The following CCNE2 variants were observed in gnomAD, a reference collection of about 807,000 sequenced individuals.
The protein encoded by CCNE2 is G1/S-specific cyclin-E2.
Under a neutral mutation model 56.8 loss-of-function variants are expected in CCNE2, and 18 were observed. The ratio of observed to expected loss-of-function variants is 0.32; its 90% CI spans 0.22 to 0.47. The LOEUF is 0.47. Among genes scored for constraint, CCNE2 ranks in the 20% least tolerant of loss-of-function variants. The pLI is 1.00. For synonymous variants in CCNE2, 139 were observed against 149.2 expected (o/e 0.93, Z 0.50); for missense variants, 371 against 467.1 (o/e 0.79, Z 1.90).
At chr8:94,889,073 G>A (rs111856879) in intron 6 of CCNE2, among the ~76,000 whole-genome samples, 5 of 151,964 alleles carry the variant, frequency 3.3e-5, no homozygotes, top group Admixed American at 2.6e-4. Context: ...GCTTGAACGC[G>A]AGATGCAGAG....
chr8:94,885,049 C>A lies in CCNE2; in HGVS notation c.831+18G>T. ...GTAATTAATAACATTACCATTGAAT[C>A]AATAAAAATGTCAGTACCTGAGCTA... On this transcript the variant is annotated intron_variant, in intron 9 of 11. Coordinates refer to ENST00000308108, the MANE Select transcript of CCNE2 (RefSeq NM_057749.3). 6.2e-7 allele frequency: 1 copy of A among 1,607,712 alleles called. No individual in the cohort carries two copies. Among genetic ancestry groups the A allele is most frequent in the Non-Finnish European group, 8.5e-7 (1 of 1,175,914 alleles).
intron 1 of CCNE2, 144 bp from the exon 2 acceptor site, chr8:94,894,391 G>T: frequency 2.8e-6 from 2 of 705,148 alleles, no homozygotes; most frequent in East Asian, 2.5e-5. Context: ...TCTGTGCTAT[G>T]TTAGCTAGCT....
rs549769595 is a variant in CCNE2 at position 94,889,961 on chromosome 8, G to C, written c.453+454C>G. 3.3e-5 allele frequency among the ~76,000 whole-genome samples: 5 copies of C among 152,284 alleles called. No individual in the cohort carries two copies. In the East Asian group the frequency reaches 9.6e-4, roughly 29 times the overall value. Reference sequence around the variant, plus strand: ...AGGTATCTGGACAATAGAGGGCGTAGAGCTTCCAGATATCCATAGTCTCAT... The same window carrying C: ...AGGTATCTGGACAATAGAGGGCGTACAGCTTCCAGATATCCATAGTCTCAT... On this transcript the variant is annotated intron_variant, in intron 6 of 11. Coordinates refer to ENST00000308108, the MANE Select transcript of CCNE2 (RefSeq NM_057749.3).
intron 10 of CCNE2, 148 bp downstream of exon 10, chr8:94,882,633 T>C (rs1483330464): frequency 1.6e-6 from 1 of 615,736 alleles, no homozygotes; most frequent in Admixed American, 3.0e-5. Flanking sequence ...GATTGGAAAG[T>C]ACTTCTAACA....
At chr8:94,885,595 A>G (rs902867658) in intron 7 of CCNE2, 37 bp from the exon 8 acceptor site, 1 of 1,236,096 alleles carries the variant, frequency 8.1e-7, no homozygotes, top group Middle Eastern at 2.0e-4. Context: ...TACAATTGAG[A>G]TAGAAATTAA....
intron 5 of CCNE2, chr8:94,891,138 G>A (rs1359850498): frequency 2.6e-5 from 4 of 152,280 alleles, no homozygotes; most frequent in Admixed American, 2.6e-4. Flanking sequence ...CAGATTTCAA[G>A]GGAGTGCTTT....
upstream of CCNE2, chr8:94,895,317 T>TGCCCGCGC (rs1252686633): frequency 2.2e-6 from 2 of 920,738 alleles, no homozygotes; most frequent in African/African-American, 3.6e-5. Flanking sequence ...TCCGCCCGCG[T>TGCCCGCGC]GCCCGCGCGC....
intron 1 of CCNE2, among the ~76,000 whole-genome samples, chr8:94,894,933 A>G (rs1181186496): frequency 6.6e-6 from 1 of 152,114 alleles, no homozygotes; most frequent in Non-Finnish European, 1.5e-5. Flanking sequence ...CCCACGGGAT[A>G]GCTCCCCAAA....
chr8:94,885,103 A>T lies in CCNE2; in HGVS notation c.795T>A (p.Pro265=), dbSNP rs1330548421. The T allele has an allele frequency of 6.2e-7, 1 of 1,613,302 alleles. No individual in the cohort carries two copies. The highest frequency in any genetic ancestry group is 1.1e-5 in the South Asian group (1 of 91,048). ...GAATGAATGTTTCCTGAGAATACTG[A>T]GGTAGAAGAACTTTAGGAGCATCTT... ...ALKDAPKVLL[P]QYSQETFIQI... Residue 265 remains proline, a synonymous_variant, in exon 9 of 12, where the codon CCT becomes CCA. Transcript: ENST00000308108.
chr8:94,883,572 C>T (rs1181847069), intron 9 of CCNE2: 1 of 181,782 alleles, frequency 5.5e-6, no homozygotes, highest in Non-Finnish European at 1.2e-5. Flanking sequence ...GGGGTGGTGG[C>T]TAGAAAGAGG....
intron 5 of CCNE2, among the ~76,000 whole-genome samples, chr8:94,890,961 A>G (rs1161424413): frequency 6.6e-6 from 1 of 152,192 alleles, no homozygotes; most frequent in African/African-American, 2.4e-5. Flanking sequence ...ATAAAATTCA[A>G]CTTTCAGACA....
At chr8:94,890,021 C>G (rs1025858226) in intron 6 of CCNE2, among the ~76,000 whole-genome samples, 7 of 152,300 alleles carry the variant, frequency 4.6e-5, no homozygotes, top group South Asian at 2.1e-4. Context: ...GATTCCTCAT[C>G]ATCATGATTT....
intron 6 of CCNE2, 131 bp downstream of exon 6, chr8:94,890,284 G>T: frequency 1.4e-6 from 1 of 703,244 alleles, no homozygotes; most frequent in Non-Finnish European, 2.2e-6. Flanking sequence ...ATCAACTACA[G>T]TAAGTACCTC....
chr8:94,894,768 C>T (rs1817405912), intron 1 of CCNE2: 1 of 152,458 alleles, frequency 6.6e-6, no homozygotes, highest in African/African-American at 2.4e-5. Context: ...CCGGCCCTGC[C>T]GCCCTACCGC....
chr8:94,882,701 A>T, intron 10 of CCNE2, 80 bp downstream of exon 10: 3 of 934,658 alleles, frequency 3.2e-6, no homozygotes, highest in Non-Finnish European at 3.4e-6. Flanking sequence ...ATGCATGTTT[A>T]GCAGAATGTT....
Position 94,882,764 on chromosome 8 carries a change from CAAAT to C in CCNE2, c.943+13_943+16del. 1 of 1,529,326 alleles carries C rather than the reference CAAAT, an allele frequency of 6.5e-7. No homozygotes were observed. Among genetic ancestry groups the C allele is most frequent in the Non-Finnish European group, 9.1e-7 (1 of 1,103,274 alleles). The allele number at this position is 1,529,326 out of a possible 1,614,324, so 94.7% of individuals were successfully genotyped here. On this transcript the variant is annotated intron_variant, in intron 10 of 11. Coordinates refer to ENST00000308108, the MANE Select transcript of CCNE2 (RefSeq NM_057749.3). ...AAGTTGTGAAAAGGTAAGAAGACAA[CAAAT>C]AGAGAGTCTTACCTGAGGCTTTCTT...
At position 94,884,993 on chromosome 8, in the gene CCNE2, C is replaced by T. The variant is rs563975788; in HGVS notation, c.831+74G>A. On this transcript the variant is annotated intron_variant, in intron 9 of 11. Transcript: ENST00000308108. ...GTCAATATGTCATTTTGTGGTATAG[C>T]CTATTTAAGACTATATATACACTAA... 6.2e-6 allele frequency: 8 copies of T among 1,288,638 alleles called. No individual in the cohort carries two copies. In the South Asian group the frequency reaches 8.1e-5, roughly 13 times the overall value. The allele number at this position is 1,288,638 out of a possible 1,614,324, so 79.8% of individuals were successfully genotyped here.
At chr8:94,884,108 G>T (rs1380746182) in intron 9 of CCNE2, among the ~76,000 whole-genome samples, 2 of 152,224 alleles carry the variant, frequency 1.3e-5, no homozygotes, top group East Asian at 1.9e-4. Context: ...ACCAATTTCA[G>T]TATACTTAGT....
At chr8:94,882,746 G>A in intron 10 of CCNE2, 35 bp downstream of exon 10, 1 of 1,391,802 alleles carries the variant, frequency 7.2e-7, no homozygotes, top group South Asian at 1.2e-5. Flanking sequence ...TAGAAGTTGT[G>A]AAAAGGTAAG....
Sources: allele counts gnomAD v4.1 joint callset (sites outside exome capture counted in the v4.1 genomes callset), GRCh38; gene constraint gnomAD v4.1.1; transcripts MANE v1.5; gene names NCBI Gene and HGNC (gene_info 2026-07-23, HGNC 2026-07-21).